Variants in TACC2 observed in about 807,000 individuals in gnomAD.
TACC2 encodes transforming acidic coiled-coil-containing protein 2.
TACC2 carries 137 observed loss-of-function variants against 227.3 expected under a neutral mutation model. The observed-to-expected ratio is 0.60, with a 90% CI of 0.52 to 0.69. The LOEUF (loss-of-function observed/expected upper bound fraction) is 0.69, where lower values mean the gene tolerates loss of function less well. Among genes scored for constraint, TACC2 ranks in the 30% least tolerant of loss-of-function variants. The pLI, the probability that TACC2 is intolerant of heterozygous loss-of-function variation, is 0.00. For synonymous variants in TACC2, 1,523 were observed against 1,487.5 expected, an observed-to-expected ratio of 1.02 and a Z score of -0.55; for missense variants, 3,470 against 3,694.4, an observed-to-expected ratio of 0.94 and a Z score of 1.57.
In TACC2 at chr10:122,050,086, T is replaced by C. The variant is rs1345863053; in HGVS notation, c.34-352T>C. Among the ~76,000 whole-genome samples the C allele has an allele frequency of 6.6e-6, 1 of 152,146 alleles. No homozygotes were observed. The highest frequency in any genetic ancestry group is 1.5e-5 in the Non-Finnish European group (1 of 68,020). ...TCATCTCAGGAGTGCCACAAACAAATTGGACACTTTCAAGTCTTAGTTTAA... is the reference window on the plus strand; with the variant it reads ...TCATCTCAGGAGTGCCACAAACAAACTGGACACTTTCAAGTCTTAGTTTAA... On this transcript the variant is annotated intron_variant, in intron 2 of 22. Transcript: ENST00000369005. The surrounding 1 kb of genome is among the most constrained non-coding windows in gnomAD (Gnocchi z 4.6).
In TACC2 at chr10:121,989,454, A is replaced by G. The variant is rs890587664; in HGVS notation, c.-80A>G. On this transcript the variant is annotated 5_prime_UTR_variant, in exon 1 of 23. Coordinates refer to ENST00000369005, the MANE Select transcript of TACC2 (RefSeq NM_206862.4). The stretch of plus-strand genomic sequence containing the variant: ...GAAGAATAGAGTTGCTGCTGCAGAC[A>G]CATCAGATTCCCTACTGGTAACAGC... 5.9e-5 allele frequency: 9 copies of G among 152,254 alleles called. No individual in the cohort carries two copies. Among genetic ancestry groups the G allele is most frequent in the African/African-American group, 2.2e-4 (9 of 41,468 alleles). 9.4% of individuals were successfully genotyped at this position (152,254 alleles called of 1,614,324 possible). A position where few individuals can be genotyped will look rare whatever the true frequency, so the allele number is the denominator to read the frequency against.
chr10:122,149,707 T>C (rs1336742316), intron 7 of TACC2, among the ~76,000 whole-genome samples: 1 of 152,220 alleles, frequency 6.6e-6, no homozygotes, highest in Non-Finnish European at 1.5e-5. Flanking sequence ...GCGCGGCACT[T>C]TGCCTTGTAG....
chr10:122,232,037 G>C (rs928964413), intron 16 of TACC2, among the ~76,000 whole-genome samples: 2 of 152,186 alleles, frequency 1.3e-5, no homozygotes, highest in African/African-American at 2.4e-5. Flanking sequence ...AGAGACAGTG[G>C]GTGCTTACAC....
intron 5 of TACC2, among the ~76,000 whole-genome samples, chr10:122,126,330 G>GTGTGTGTGTGTGTGTT (rs2086860286): frequency 6.6e-6 from 1 of 151,756 alleles, no homozygotes; most frequent in South Asian, 2.1e-4. Context: ...GTGTGTGTGT[G>GTGTGTGTGTGTGTGTT]TGTGTGTGTG....
At chr10:122,213,517 A>G in intron 9 of TACC2, 1 of 805,642 alleles carries the variant, frequency 1.2e-6, no homozygotes, top group South Asian at 1.4e-5. Flanking sequence ...ATGATGGGGC[A>G]TGGGGCTCCC....
intron 7 of TACC2, among the ~76,000 whole-genome samples, chr10:122,156,649 G>T (rs2092502954): frequency 6.6e-6 from 1 of 152,178 alleles, no homozygotes; most frequent in Non-Finnish European, 1.5e-5. Flanking sequence ...TTGCTCACAG[G>T]TCTGACTGTG....
At chr10:122,015,953 T>TAAAAA (rs11401777) in intron 1 of TACC2, among the ~76,000 whole-genome samples, 11 of 147,946 alleles carry the variant, frequency 7.4e-5, no homozygotes, top group Middle Eastern at 3.5e-3. Flanking sequence ...CCCAAAATGT[T>TAAAAA]AAAAAAAAAA....
chr10:121,996,172 G>A (rs551884820), intron 1 of TACC2, among the ~76,000 whole-genome samples: 1 of 152,008 alleles, frequency 6.6e-6, no homozygotes, highest in Non-Finnish European at 1.5e-5. Context: ...TCCCACCTCA[G>A]CCCCCCGAGT....
intron 16 of TACC2, among the ~76,000 whole-genome samples, chr10:122,231,051 CTGTTTGTT>C (rs779026316): frequency 6.6e-6 from 1 of 152,122 alleles, no homozygotes; most frequent in Admixed American, 6.5e-5. Flanking sequence ...TTTTATTTGT[CTGTTTGTT>C]TGTTTGTTTT....
At chr10:122,164,310 C>T (rs958062708) in intron 7 of TACC2, among the ~76,000 whole-genome samples, 1 of 152,360 alleles carries the variant, frequency 6.6e-6, no homozygotes, top group Admixed American at 6.5e-5. Flanking sequence ...TGCAAGGGAA[C>T]AGCCAGGCAT....
chr10:122,058,120 T>C (rs1232120855), intron 3 of TACC2, among the ~76,000 whole-genome samples: 6 of 152,218 alleles, frequency 3.9e-5, no homozygotes, highest in Non-Finnish European at 8.8e-5. Flanking sequence ...CACCTTTTAA[T>C]GTATAAAGCC....
Position 122,075,664 on chromosome 10 carries a change from C to T in TACC2, c.147-6983C>T, listed in dbSNP as rs912664968. On this transcript the variant is annotated intron_variant, in intron 3 of 22. Coordinates refer to ENST00000369005, the MANE Select transcript of TACC2 (RefSeq NM_206862.4). ...TTCAGTCCTCGAATCCTCTCATCTCCACCACAGCTGCTGCCTCTGTTAACA... is the reference window on the plus strand; with the variant it reads ...TTCAGTCCTCGAATCCTCTCATCTCTACCACAGCTGCTGCCTCTGTTAACA... Among the ~76,000 whole-genome samples, 6 of 152,190 alleles carry T rather than the reference C, an allele frequency of 3.9e-5. No homozygotes were observed. In the East Asian group the frequency reaches 7.7e-4, roughly 19 times the overall value.
rs145589406 is a variant in TACC2, at chr10:122,234,007, A to C, written c.8128-3388A>C. Reference sequence around the variant, plus strand: ...CTGAGCACCAGGCCTGTGTCCATGCACCGTGGCCTTGGTCCAGGTGGCTGT... The same window carrying C: ...CTGAGCACCAGGCCTGTGTCCATGCCCCGTGGCCTTGGTCCAGGTGGCTGT... On this transcript the variant is annotated intron_variant, in intron 16 of 22. Transcript: ENST00000369005. 9.8e-5 allele frequency among the ~76,000 whole-genome samples: 15 copies of C among 152,310 alleles called. No homozygotes were observed. The East Asian group carries it at 2.9e-3, about 29-fold the overall frequency.
chr10:122,054,348 A>G (rs1410694419), intron 3 of TACC2, among the ~76,000 whole-genome samples: 1 of 152,152 alleles, frequency 6.6e-6, no homozygotes, highest in Non-Finnish European at 1.5e-5. Context: ...CCTAGGGTGA[A>G]GCTTAACCCC....
chr10:122,099,647 C>T (rs543307001), intron 5 of TACC2, among the ~76,000 whole-genome samples: 4 of 152,298 alleles, frequency 2.6e-5, no homozygotes, highest in Admixed American at 6.5e-5. Context: ...GGTGGTTTTT[C>T]GGCAACCCTC....
At position 122,244,396 on chromosome 10, in the gene TACC2, G is replaced by A. The variant is rs1328891156; in HGVS notation, c.8392+2395G>A. Among the ~76,000 whole-genome samples the A allele has an allele frequency of 2.6e-5, 4 of 152,278 alleles. No homozygotes were observed. The East Asian group carries it at 7.7e-4, about 29-fold the overall frequency. On this transcript the variant is annotated intron_variant, in intron 19 of 22. Transcript: ENST00000369005. The stretch of plus-strand genomic sequence containing the variant: ...CTCATTCACCCATTGACCGTCCTCT[G>A]TCATTCCAAGGCTTTTTTCATCAGG...
chr10:122,088,065 CTGAGTTTTCCATATCTAA>C, intron 4 of TACC2, 106 bp downstream of exon 4: 1 of 1,242,856 alleles, frequency 8.0e-7, no homozygotes, highest in Non-Finnish European at 1.1e-6. Flanking sequence ...TTTCTAAAAG[CTGAGTTTTCCATATCTAA>C]TTGCTAAATG....
intron 7 of TACC2, among the ~76,000 whole-genome samples, chr10:122,170,468 A>G (rs1285114716): frequency 6.6e-6 from 1 of 151,138 alleles, no homozygotes; most frequent in African/African-American, 2.4e-5. Context: ...ACGGGGTTTT[A>G]ATTTTGTATT....
intron 5 of TACC2, among the ~76,000 whole-genome samples, chr10:122,121,892 G>A (rs1490599055): frequency 2.6e-5 from 4 of 152,222 alleles, no homozygotes; most frequent in African/African-American, 9.6e-5. Context: ...CTGGGGCTGT[G>A]CCGCTGAACT....
Sources: gnomAD v4.1 joint callset for allele counts (sites outside exome capture counted in the v4.1 genomes callset) on GRCh38, gnomAD v4.1.1 for gene constraint, Gnocchi (gnomAD v3.1) non-coding constraint, MANE v1.5 for transcripts, NCBI Gene and HGNC (gene_info 2026-07-23, HGNC 2026-07-21) for gene names.